Variants in MYO9A observed in about 807,000 individuals in gnomAD.
MYO9A encodes myosin IXA, also known as unconventional myosin-IXa.
In MYO9A, 103 loss-of-function variants were observed where a neutral mutation model predicts 293.3. The observed-to-expected ratio is 0.35, with a 90% CI of 0.30 to 0.41. The LOEUF is 0.41. Ranked by LOEUF, MYO9A falls within the 10% of genes least tolerant of loss-of-function variation. The pLI, the probability that MYO9A is intolerant of heterozygous loss-of-function variation, is 1.00. For synonymous variants in MYO9A, 1,001 were observed against 1,035.7 expected (o/e 0.97, Z 0.64); for missense variants, 2,685 against 3,033.0 (o/e 0.89, Z 2.69).
rs567705198 is a variant in MYO9A, at chr15:72,054,026, A to T, written c.-71-7392T>A. ...AAGATGGTCAAAGTTTTAAAATTCA[A>T]CTATCTGCTGTTTTCAGTAGACACA... On this transcript the variant is annotated intron_variant, in intron 1 of 41. Coordinates refer to ENST00000356056, the MANE Select transcript of MYO9A (RefSeq NM_006901.4). 2.6e-5 allele frequency among the ~76,000 whole-genome samples: 4 copies of T among 152,336 alleles called. No individual in the cohort carries two copies. In the South Asian group the frequency reaches 8.3e-4, roughly 32 times the overall value.
At chr15:71,876,147 G>A (rs1295567037) in intron 31 of MYO9A, among the ~76,000 whole-genome samples, 1 of 145,714 alleles carries the variant, frequency 6.9e-6, no homozygotes, top group African/African-American at 2.5e-5. Context: ...ATCATTAATT[G>A]ATTTTTTTTT....
chr15:71,908,138 G>C (rs570438606), intron 19 of MYO9A, among the ~76,000 whole-genome samples: 82 of 152,270 alleles, frequency 5.4e-4, no homozygotes, highest in African/African-American at 1.9e-3. Context: ...GTAAGGAGGG[G>C]ATCCAGTTTC....
chr15:71,939,741 T>C (rs1010654762), intron 15 of MYO9A, among the ~76,000 whole-genome samples: 1 of 152,220 alleles, frequency 6.6e-6, no homozygotes, highest in African/African-American at 2.4e-5. Context: ...ATGATAAACA[T>C]GTAAGTTCCG....
At position 71,938,902 on chromosome 15, in the gene MYO9A, T is replaced by A. The variant is rs777540526; in HGVS notation, c.2328A>T (p.Thr776=). 4 of 1,611,036 alleles carry A rather than the reference T, an allele frequency of 2.5e-6. No individual in the cohort carries two copies. In the Admixed American group the frequency reaches 6.7e-5, roughly 27 times the overall value. ...TCATGCCCTGGAGATCAGAAAGAGG[T>A]GTTCTGGGATTTTTCCGGGTTATAC... ...KYSITRKNPR[T]PLSDLQGMNA... Residue 776 remains threonine, a synonymous_variant, in exon 16 of 42, where the codon ACA becomes ACT. Coordinates refer to ENST00000356056, the MANE Select transcript of MYO9A (RefSeq NM_006901.4).
In MYO9A at chr15:72,043,192, T is replaced by C. The variant is rs181049044; in HGVS notation, c.840+2532A>G. ...TATACTAGCAACAAACAATTGAAAA[T>C]TGTAGAACACCATTTATAATAACAT... On this transcript the variant is annotated intron_variant, in intron 2 of 41. Transcript: ENST00000356056. Among the ~76,000 whole-genome samples the C allele has an allele frequency of 8.5e-5, 13 of 152,208 alleles. No homozygotes were observed. In the East Asian group the frequency reaches 2.1e-3, roughly 25 times the overall value.
chr15:72,019,032 T>C lies in MYO9A; in HGVS notation c.1155+7A>G. The stretch of plus-strand genomic sequence containing the variant: ...GAAACACAGAATATTTAGGTACTTG[T>C]ACTGACCGGCTCAGAGTCATAGCAA... On this transcript the variant is annotated splice_region_variant and intron_variant, in intron 6 of 41. Coordinates refer to ENST00000356056, the MANE Select transcript of MYO9A (RefSeq NM_006901.4). 1 of 1,612,912 alleles carries C rather than the reference T, an allele frequency of 6.2e-7. No individual in the cohort carries two copies. Among genetic ancestry groups the C allele is most frequent in the Non-Finnish European group, 8.5e-7 (1 of 1,178,966 alleles).
chr15:72,016,128 TACC>T (rs1424269611), intron 6 of MYO9A, among the ~76,000 whole-genome samples: 1 of 152,178 alleles, frequency 6.6e-6, no homozygotes, highest in Non-Finnish European at 1.5e-5. Context: ...AATAGATTAT[TACC>T]ACTTGAAGAG....
intron 1 of MYO9A, among the ~76,000 whole-genome samples, chr15:72,071,817 G>C (rs550156456): frequency 6.6e-6 from 1 of 151,956 alleles, no homozygotes; most frequent in Admixed American, 6.6e-5. Flanking sequence ...ACAGTATGGA[G>C]ATTTCTCAAA....
At chr15:72,045,687 A>C in intron 2 of MYO9A, 37 bp downstream of exon 2, 1 of 1,528,598 alleles carries the variant, frequency 6.5e-7, no homozygotes, top group Non-Finnish European at 8.7e-7. Flanking sequence ...GATAAAAATC[A>C]AAATTAAAAT....
At chr15:72,018,077 T>G (rs1282254826) in intron 6 of MYO9A, among the ~76,000 whole-genome samples, 1 of 151,498 alleles carries the variant, frequency 6.6e-6, no homozygotes, top group Non-Finnish European at 1.5e-5. Flanking sequence ...AAAAATATAC[T>G]TATTAAAATA....
At chr15:72,073,019 C>T (rs1787392779) in intron 1 of MYO9A, among the ~76,000 whole-genome samples, 1 of 152,178 alleles carries the variant, frequency 6.6e-6, no homozygotes, top group African/African-American at 2.4e-5. Context: ...TATTCTCTGA[C>T]CTCCCTATAA....
rs1217655549 is a variant in MYO9A, at chr15:71,900,940, C to T, written c.3150+251G>A. ...ATTAGGTAACTCCTTAGCCCCTACACAGATCTCACAAGACATTATAACTAC... is the reference window on the plus strand; with the variant it reads ...ATTAGGTAACTCCTTAGCCCCTACATAGATCTCACAAGACATTATAACTAC... On this transcript the variant is annotated intron_variant, in intron 23 of 41. Transcript: ENST00000356056. Among the ~76,000 whole-genome samples the T allele has an allele frequency of 5.9e-5, 9 of 152,204 alleles. No individual in the cohort carries two copies. In the East Asian group the frequency reaches 1.7e-3, roughly 29 times the overall value.
chr15:71,970,504 T>C (rs1362839101), intron 12 of MYO9A, among the ~76,000 whole-genome samples: 4 of 152,214 alleles, frequency 2.6e-5, no homozygotes, highest in South Asian at 2.1e-4. Flanking sequence ...AAAATAGTTC[T>C]TCCTACATGT....
intron 1 of MYO9A, among the ~76,000 whole-genome samples, chr15:72,086,706 G>A (rs1471668159): frequency 6.6e-6 from 1 of 152,058 alleles, no homozygotes; most frequent in Non-Finnish European, 1.5e-5. Flanking sequence ...ATAGGGGAAG[G>A]GAGCAGGCAG....
At chr15:72,101,834 G>A (rs1235253094) in intron 1 of MYO9A, among the ~76,000 whole-genome samples, 5 of 149,456 alleles carry the variant, frequency 3.3e-5, no homozygotes, top group African/African-American at 4.9e-5. Context: ...TCAGCCCCCC[G>A]CCCGGCCAGC....
chr15:71,880,899 A>C lies in MYO9A; in HGVS notation c.5399-341T>G, dbSNP rs1034844191. Among the ~76,000 whole-genome samples the C allele has an allele frequency of 3.3e-5, 5 of 152,360 alleles. No homozygotes were observed. The South Asian group carries it at 8.3e-4, about 25-fold the overall frequency. On this transcript the variant is annotated intron_variant, in intron 28 of 41. Transcript: ENST00000356056. Reference sequence around the variant, plus strand: ...AGTCCCAAAGAAAAGAAGAGAATATAAAACCATACTAGCATATTAAATGCT... The same window carrying C: ...AGTCCCAAAGAAAAGAAGAGAATATCAAACCATACTAGCATATTAAATGCT...
At position 71,824,852 on chromosome 15, in the gene MYO9A, T is replaced by A. The variant is rs1305196305; in HGVS notation, c.*1728A>T. 6.6e-6 allele frequency: 1 copy of A among 152,204 alleles called. No individual in the cohort carries two copies. The highest frequency in any genetic ancestry group is 1.9e-4 in the East Asian group (1 of 5,196). 9.4% of individuals were successfully genotyped at this position (152,204 alleles called of 1,614,324 possible). The stretch of plus-strand genomic sequence containing the variant: ...CTGCCACTCAGAATTATGCTCCAAG[T>A]CTAACCTCTGGGGCTGGCCAATAAC... On this transcript the variant is annotated 3_prime_UTR_variant, in exon 42 of 42. Transcript: ENST00000356056.
intron 33 of MYO9A, among the ~76,000 whole-genome samples, chr15:71,861,275 G>A (rs1030425033): frequency 2.0e-5 from 3 of 150,994 alleles, no homozygotes; most frequent in African/African-American, 4.8e-5. Context: ...CCTAGTATTT[G>A]CTTCATTCAA....
At chr15:71,967,866 A>G in intron 13 of MYO9A, 118 bp downstream of exon 13, 2 of 962,620 alleles carry the variant, frequency 2.1e-6, no homozygotes, top group Non-Finnish European at 2.9e-6. Context: ...ATCTTTATAC[A>G]ATATCTCCAG....
Sources: allele counts gnomAD v4.1 joint callset (sites outside exome capture counted in the v4.1 genomes callset), GRCh38; gene constraint gnomAD v4.1.1; transcripts MANE v1.5; gene names NCBI Gene and HGNC (gene_info 2026-07-23, HGNC 2026-07-21).